The following SH3BP4 variants were observed in gnomAD, a reference collection of about 807,000 sequenced individuals.
The protein encoded by SH3BP4 is SH3 domain-binding protein 4.
In SH3BP4, 33 loss-of-function variants were observed where a neutral mutation model predicts 65.5. The ratio of observed to expected loss-of-function variants is 0.50; its 90% CI spans 0.38 to 0.67. The LOEUF (loss-of-function observed/expected upper bound fraction) is 0.67, where lower values mean the gene tolerates loss of function less well. Among genes scored for constraint, SH3BP4 ranks in the 30% least tolerant of loss-of-function variants. SH3BP4 has a pLI of 0.00. For synonymous variants in SH3BP4, 552 were observed against 545.5 expected, an observed-to-expected ratio of 1.01 and a Z score of -0.17; for missense variants, 1,134 against 1,261.4, an observed-to-expected ratio of 0.90 and a Z score of 1.53.
chr2:234,998,786 C>T (rs1041951708), intron 2 of SH3BP4, among the ~76,000 whole-genome samples: 8 of 152,202 alleles, frequency 5.3e-5, no homozygotes, highest in Non-Finnish European at 1.0e-4. Context: ...GCTATGTCCC[C>T]ATGGCCTTCG....
At chr2:235,014,424 G>C (rs187104933) in intron 2 of SH3BP4, among the ~76,000 whole-genome samples, 7 of 152,346 alleles carry the variant, frequency 4.6e-5, no homozygotes, top group Non-Finnish European at 8.8e-5. Flanking sequence ...GGGGAAATGA[G>C]TTCTGAGAAT....
At chr2:235,022,540 T>G (rs956182280) in intron 2 of SH3BP4, among the ~76,000 whole-genome samples, 9 of 151,630 alleles carry the variant, frequency 5.9e-5, no homozygotes, top group African/African-American at 2.2e-4. Flanking sequence ...AAAGTAGTAG[T>G]TGATACTTGA....
chr2:235,032,722 G>A (rs9287585), intron 2 of SH3BP4, among the ~76,000 whole-genome samples: 14,425 of 151,886 alleles, frequency 0.095, 2,207 homozygotes, highest in African/African-American at 0.32. Flanking sequence ...GTGCTGTGCC[G>A]TCAGCGCTGA....
intron 4 of SH3BP4, among the ~76,000 whole-genome samples, chr2:235,051,478 C>T (rs575227252): frequency 6.6e-6 from 1 of 152,328 alleles, no homozygotes; most frequent in Admixed American, 6.5e-5. Context: ...TGGGACTTCA[C>T]TGTCCCAGCA....
intron 2 of SH3BP4, among the ~76,000 whole-genome samples, chr2:235,012,551 A>G (rs4663180): frequency 0.49 from 74,095 of 152,014 alleles, 20,664 homozygotes; most frequent in African/African-American, 0.74. Context: ...TCTTCCTTTT[A>G]CTGCCGGGTG....
chr2:235,055,059 G>T lies in SH3BP4; in HGVS notation c.*1243G>T, dbSNP rs541664908. 15 of 152,316 alleles carry T rather than the reference G, an allele frequency of 9.8e-5. No homozygotes were observed. Among genetic ancestry groups the T allele is most frequent in the African/African-American group, 3.6e-4 (15 of 41,566 alleles). The allele number at this position is 152,316 out of a possible 1,614,324, so 9.4% of individuals were successfully genotyped here. On this transcript the variant is annotated 3_prime_UTR_variant, in exon 6 of 6. Coordinates refer to ENST00000392011, the MANE Select transcript of SH3BP4 (RefSeq NM_014521.3). ...AAAATCAGGAACTTGACACAGTGTT[G>T]CATTAATAACTTTAGGGTGCAGACA...
At chr2:234,970,065 ACACT>A (rs200509212) in intron 1 of SH3BP4, among the ~76,000 whole-genome samples, 6,159 of 141,006 alleles carry the variant, frequency 0.044, 426 homozygotes, top group African/African-American at 0.15. Flanking sequence ...ACTCATACAC[ACACT>A]CACACTGTCA....
chr2:234,988,993 T>C (rs548749094), intron 1 of SH3BP4, among the ~76,000 whole-genome samples: 1 of 152,362 alleles, frequency 6.6e-6, no homozygotes, highest in East Asian at 1.9e-4. Flanking sequence ...TTCATCCATC[T>C]GTTGCCCAAA....
At chr2:235,028,370 G>A (rs957252704) in intron 2 of SH3BP4, among the ~76,000 whole-genome samples, 1 of 152,204 alleles carries the variant, frequency 6.6e-6, no homozygotes, top group Non-Finnish European at 1.5e-5. Context: ...AGGTAAACCC[G>A]AGGTGCCCAC....
rs1178472397 is a variant in SH3BP4 at position 234,995,313 on chromosome 2, C to T, written c.-196C>T. On this transcript the variant is annotated 5_prime_UTR_variant, in exon 2 of 6. Transcript: ENST00000392011. The stretch of plus-strand genomic sequence containing the variant: ...CTTCTTGTCTTGCAGCGTCTCCCTT[C>T]TCTCCTGGACAGAAGGCCGTGTCCT... 1 of 152,314 alleles carries T rather than the reference C, an allele frequency of 6.6e-6. No individual in the cohort carries two copies. The highest frequency in any genetic ancestry group is 2.4e-5 in the African/African-American group (1 of 41,444). The allele number at this position is 152,314 out of a possible 1,614,324, so 9.4% of individuals were successfully genotyped here.
intron 2 of SH3BP4, among the ~76,000 whole-genome samples, chr2:235,025,015 TG>T (rs1381568213): frequency 6.6e-6 from 1 of 152,082 alleles, no homozygotes; most frequent in Non-Finnish European, 1.5e-5. Flanking sequence ...GGTCACTGGC[TG>T]GGGACCAGAG....
intron 2 of SH3BP4, among the ~76,000 whole-genome samples, chr2:235,010,092 T>C (rs1212115948): frequency 8.2e-6 from 1 of 122,136 alleles, no homozygotes; most frequent in Non-Finnish European, 1.8e-5. Context: ...CTACTGAGGG[T>C]GTATCATCCC....
At chr2:234,986,953 G>A (rs1559233225) in intron 1 of SH3BP4, among the ~76,000 whole-genome samples, 3 of 151,896 alleles carry the variant, frequency 2.0e-5, no homozygotes, top group Admixed American at 1.3e-4. Flanking sequence ...TTTGTATTTA[G>A]TAGAGATGAG....
chr2:235,025,058 A>G (rs1264489692), intron 2 of SH3BP4, among the ~76,000 whole-genome samples: 1 of 152,142 alleles, frequency 6.6e-6, no homozygotes, highest in African/African-American at 2.4e-5. Flanking sequence ...GGCTGATCAC[A>G]GGGTCCTGCT....
chr2:234,972,895 T>C (rs1359445907), intron 1 of SH3BP4, among the ~76,000 whole-genome samples: 1 of 152,142 alleles, frequency 6.6e-6, no homozygotes, highest in East Asian at 1.9e-4. Flanking sequence ...ACCTTTACCT[T>C]TGCAGATTGT....
At chr2:234,980,264 CA>C (rs202073974) in intron 1 of SH3BP4, among the ~76,000 whole-genome samples, 2,861 of 152,202 alleles carry the variant, frequency 0.019, 94 homozygotes, top group African/African-American at 0.061. Flanking sequence ...CCTATGTATA[CA>C]TGCCTATGAG....
intron 2 of SH3BP4, among the ~76,000 whole-genome samples, chr2:235,029,387 G>GT (rs1695105485): frequency 6.6e-6 from 1 of 152,184 alleles, no homozygotes; most frequent in African/African-American, 2.4e-5. Context: ...GGAGCGCTTG[G>GT]TGGGCAGGTG....
chr2:235,039,489 AAAAAGAAAG>A (rs1227118184), intron 3 of SH3BP4, among the ~76,000 whole-genome samples: 2 of 152,032 alleles, frequency 1.3e-5, no homozygotes, highest in East Asian at 1.9e-4. Flanking sequence ...CTTAAAAAAA[AAAAAGAAAG>A]AAAGAAAGAA....
chr2:235,008,016 T>C (rs13431049), intron 2 of SH3BP4, among the ~76,000 whole-genome samples: 83,702 of 151,968 alleles, frequency 0.55, 26,555 homozygotes, highest in African/African-American at 0.86. Flanking sequence ...TGCACCCCTG[T>C]GGGAAAGGGA....
Sources: allele counts gnomAD v4.1 joint callset (sites outside exome capture counted in the v4.1 genomes callset), GRCh38; gene constraint gnomAD v4.1.1; transcripts MANE v1.5; gene names NCBI Gene and HGNC (gene_info 2026-07-23, HGNC 2026-07-21).